FAM131A: variants seen among roughly 807,000 people sequenced by gnomAD.
FAM131A encodes protein FAM131A.
In FAM131A, 24 loss-of-function variants were observed where a neutral mutation model predicts 39.2. That is an observed-to-expected ratio of 0.61 (90% CI 0.44 to 0.86). FAM131A has a LOEUF of 0.86. Ranked by LOEUF, FAM131A falls within the 40% of genes least tolerant of loss-of-function variation. The pLI, the probability that FAM131A is intolerant of heterozygous loss-of-function variation, is 0.00. For synonymous variants in FAM131A, 202 were observed against 206.8 expected, an observed-to-expected ratio of 0.98 and a Z score of 0.20; for missense variants, 373 against 481.2, an observed-to-expected ratio of 0.78 and a Z score of 2.10.
chr3:184,342,415 C>G lies in FAM131A; in HGVS notation c.508+167C>G, dbSNP rs572704158. ...CTCTGCCACCCCAGTTCAAGCGATT[C>G]TCCTGCCTCAGCCTCCCAAGTAGCT... On this transcript the variant is annotated intron_variant, in intron 4 of 5. Coordinates refer to ENST00000383847, the MANE Select transcript of FAM131A (RefSeq NM_144635.5). The surrounding 1 kb of genome is among the most constrained non-coding windows in gnomAD (Gnocchi z 4.6). Among the ~76,000 whole-genome samples the G allele has an allele frequency of 3.9e-5, 6 of 152,318 alleles. No individual in the cohort carries two copies. The highest frequency in any genetic ancestry group is 8.8e-5 in the Non-Finnish European group (6 of 68,026).
Position 184,345,694 on chromosome 3 carries a change from C to T in FAM131A, c.*724C>T. The T allele has an allele frequency of 3.1e-6, 2 of 642,338 alleles. No individual in the cohort carries two copies. The highest frequency in any genetic ancestry group is 1.8e-5 in the South Asian group (1 of 54,696). The allele number at this position is 642,338 out of a possible 1,614,324, so 39.8% of individuals were successfully genotyped here. On this transcript the variant is annotated 3_prime_UTR_variant, in exon 6 of 6. Coordinates refer to ENST00000383847, the MANE Select transcript of FAM131A (RefSeq NM_144635.5). Reference sequence around the variant, plus strand: ...AATGGGGCCTGGGCCCTTTCCCAACCCCTCCTAGGATGTGCGGGCAGTGTG... The same window carrying T: ...AATGGGGCCTGGGCCCTTTCCCAACTCCTCCTAGGATGTGCGGGCAGTGTG...
At chr3:184,336,732 A>T (rs1019211830), upstream of FAM131A, among the ~76,000 whole-genome samples, 9 of 152,170 alleles carry the variant, frequency 5.9e-5, no homozygotes, top group Admixed American at 2.0e-4. The surrounding 1 kb of genome is among the most constrained non-coding windows in gnomAD (Gnocchi z 5.5). Flanking sequence ...AGTTGTTTTA[A>T]TGTCCTGCCC....
chr3:184,341,887 T>G, intron 3 of FAM131A, 70 bp downstream of exon 3: 1 of 1,562,084 alleles, frequency 6.4e-7, no homozygotes, highest in South Asian at 1.1e-5. Flanking sequence ...CCTTTGGAAC[T>G]GTTTCCTGTG....
In FAM131A at chr3:184,342,677, C is replaced by T. The variant is rs999211890; in HGVS notation, c.509-67C>T. On this transcript the variant is annotated intron_variant, in intron 4 of 5. Transcript: ENST00000383847. The surrounding 1 kb of genome is among the most constrained non-coding windows in gnomAD (Gnocchi z 4.6). ...TTCCCATACCCTGTTTCTCCTCTCT[C>T]CTGTCTTCAAGCTGAGCCCTAGACT... 5.6e-5 allele frequency: 79 copies of T among 1,412,580 alleles called. No homozygotes were observed. In the Middle Eastern group the frequency reaches 7.0e-4, roughly 13 times the overall value. The allele number at this position is 1,412,580 out of a possible 1,614,324, so 87.5% of individuals were successfully genotyped here. A position where few individuals can be genotyped will look rare whatever the true frequency, so the allele number is the denominator to read the frequency against.
chr3:184,340,290 C>T (rs925318847), intron 2 of FAM131A: 1 of 151,584 alleles, frequency 6.6e-6, no homozygotes, highest in African/African-American at 2.4e-5. Flanking sequence ...AGGCGTGAGC[C>T]ACCACGCCTG....
In FAM131A at chr3:184,345,570, CAGA is replaced by C. The variant is rs1383948813; in HGVS notation, c.*603_*605del. 1.4e-6 allele frequency: 1 copy of C among 703,168 alleles called. No homozygotes were observed. Among genetic ancestry groups the C allele is most frequent in the Non-Finnish European group, 2.6e-6 (1 of 385,054 alleles). The allele number at this position is 703,168 out of a possible 1,614,324, so 43.6% of individuals were successfully genotyped here. A position where few individuals can be genotyped will look rare whatever the true frequency, so the allele number is the denominator to read the frequency against. ...AAATCTTCCTCTTTTTTCCTAAAGA[CAGA>C]AGGTTTTTGGTCTGTTTTTTCAGTC... is the stretch of plus-strand genomic sequence containing the variant. On this transcript the variant is annotated 3_prime_UTR_variant, in exon 6 of 6. Transcript: ENST00000383847.
chr3:184,345,842 AGAGGGCCACAG>A lies in FAM131A; in HGVS notation c.*874_*884del. On this transcript the variant is annotated 3_prime_UTR_variant, in exon 6 of 6. Coordinates refer to ENST00000383847, the MANE Select transcript of FAM131A (RefSeq NM_144635.5). The stretch of plus-strand genomic sequence containing the variant: ...TCATGTTCTTCTAGAGAGGGCCACA[AGAGGGCCACAG>A]GGGTGGCCGGGAGTTGTCAGCTGAT... 2.0e-6 allele frequency: 1 copy of A among 500,086 alleles called. No homozygotes were observed. The highest frequency in any genetic ancestry group is 3.0e-5 in the South Asian group (1 of 33,218). The allele number at this position is 500,086 out of a possible 1,614,324, so 31.0% of individuals were successfully genotyped here.
In FAM131A at chr3:184,344,595, C is replaced by G. The variant is rs1292782290; in HGVS notation, c.726C>G (p.Ser242Arg). The change falls in exon 6 of 6, where the codon AGC (serine) becomes AGG (arginine). Residue 242 changes from serine (S) to arginine (R), a missense_variant. Transcript: ENST00000383847. Reference sequence around the variant, plus strand: ...GCCAGGGCTCCGTGGAGCCTGAGAGCGACTGCTCACAGACCGTGTCCCCAG... The same window carrying G: ...GCCAGGGCTCCGTGGAGCCTGAGAGGGACTGCTCACAGACCGTGTCCCCAG... The part of the protein sequence containing the change: ...PVRQGSVEPE[S>R]DCSQTVSPDT... 1.2e-6 allele frequency: 2 copies of G among 1,612,186 alleles called. No individual in the cohort carries two copies. Among genetic ancestry groups the G allele is most frequent in the South Asian group, 2.2e-5 (2 of 90,960 alleles).
Position 184,344,360 on chromosome 3 carries a change from T to C in FAM131A, c.626-135T>C, listed in dbSNP as rs1727518948. On this transcript the variant is annotated intron_variant, in intron 5 of 5. Transcript: ENST00000383847. ...AGGACACTGAGGTCTCAAAAAGTTGTGACTGGTTCAAGGTTACCCAGCACC... is the reference window on the plus strand; with the variant it reads ...AGGACACTGAGGTCTCAAAAAGTTGCGACTGGTTCAAGGTTACCCAGCACC... The C allele has an allele frequency of 3.6e-5, 27 of 753,782 alleles. No homozygotes were observed. In the South Asian group the frequency reaches 5.1e-4, roughly 14 times the overall value. 46.7% of individuals were successfully genotyped at this position (753,782 alleles called of 1,614,324 possible). A position where few individuals can be genotyped will look rare whatever the true frequency, so the allele number is the denominator to read the frequency against.
At chr3:184,337,015 C>G (rs1262511103), upstream of FAM131A, among the ~76,000 whole-genome samples, 1 of 152,238 alleles carries the variant, frequency 6.6e-6, no homozygotes, top group African/African-American at 2.4e-5. Flanking sequence ...TCACACAGGC[C>G]TTGGTGTGGT....
Position 184,342,094 on chromosome 3 carries a change from G to T in FAM131A, c.354G>T (p.Val118=). 1 of 1,614,194 alleles carries T rather than the reference G, an allele frequency of 6.2e-7. No homozygotes were observed. Among genetic ancestry groups the T allele is most frequent in the South Asian group, 1.1e-5 (1 of 91,084 alleles). The change falls in exon 4 of 6, where the codon GTG becomes GTT. Residue 118 remains valine, a synonymous_variant. Coordinates refer to ENST00000383847, the MANE Select transcript of FAM131A (RefSeq NM_144635.5). The surrounding 1 kb of genome is among the most constrained non-coding windows in gnomAD (Gnocchi z 4.6). ...HGISQVVKDH[V]TKPTAMAQGR... is the part of the protein sequence containing the mutation. ...TTTCCCAGGTGGTGAAGGACCACGT[G>T]ACCAAGCCTACCGCCATGGCCCAGG...
Position 184,345,614 on chromosome 3 carries a change from T to G in FAM131A, c.*644T>G. 1.4e-6 allele frequency: 1 copy of G among 702,330 alleles called. No homozygotes were observed. The highest frequency in any genetic ancestry group is 2.6e-6 in the Non-Finnish European group (1 of 384,630). The allele number at this position is 702,330 out of a possible 1,614,324, so 43.5% of individuals were successfully genotyped here. Reference sequence around the variant, plus strand: ...TTTTTCAGTCGGATCTTCTCTTCTCTGGGAGGCTTTGGAATGATGAAAGCA... The same window carrying G: ...TTTTTCAGTCGGATCTTCTCTTCTCGGGGAGGCTTTGGAATGATGAAAGCA... On this transcript the variant is annotated 3_prime_UTR_variant, in exon 6 of 6. Coordinates refer to ENST00000383847, the MANE Select transcript of FAM131A (RefSeq NM_144635.5).
rs759395407 is a variant in FAM131A at position 184,341,694 on chromosome 3, G to A, written c.232-30G>A. On this transcript the variant is annotated intron_variant, in intron 2 of 5. Transcript: ENST00000383847. ...GGGGGAAGGTCATTGCTGTCAGAGG[G>A]GCACTGACTTTCTAATGGTGTTACC... The A allele has an allele frequency of 3.8e-6, 6 of 1,581,694 alleles. No individual in the cohort carries two copies. In the South Asian group the frequency reaches 5.6e-5, roughly 15 times the overall value.
Position 184,344,514 on chromosome 3 carries a change from C to T in FAM131A, c.645C>T (p.Pro215=), listed in dbSNP as rs1727533892. ...TCACAGACATGGCTGGGCAGCTGCC[C>T]CTGGGGCCGCACCTCCAGGACCTGT... ...GMDTDMAGQL[P]LGPHLQDLFT... Residue 215 remains proline (P), a synonymous_variant, in exon 6 of 6, where the codon CCC becomes CCT. Transcript: ENST00000383847. 5 of 1,533,720 alleles carry T rather than the reference C, an allele frequency of 3.3e-6. No homozygotes were observed. The East Asian group carries it at 9.1e-5, about 28-fold the overall frequency.
chr3:184,342,875 G>A lies in FAM131A; in HGVS notation c.625+15G>A. Reference sequence around the variant, plus strand: ...AATGGACACAGGTGAGGGACATCCTGGGCTAGGGCTGTGGTGGACCCACCT... The same window carrying A: ...AATGGACACAGGTGAGGGACATCCTAGGCTAGGGCTGTGGTGGACCCACCT... On this transcript the variant is annotated intron_variant, in intron 5 of 5. Transcript: ENST00000383847. This position sits in a 1 kb window ranked among gnomAD's most constrained non-coding sequence, Gnocchi z 4.6. 6.2e-7 allele frequency: 1 copy of A among 1,602,802 alleles called. No homozygotes were observed. The highest frequency in any genetic ancestry group is 8.5e-7 in the Non-Finnish European group (1 of 1,170,236).
chr3:184,337,526 T>C, upstream of FAM131A: 7 of 980,564 alleles, frequency 7.1e-6, no homozygotes, highest in Non-Finnish European at 1.1e-5. Flanking sequence ...AGGTTCCAAA[T>C]GGGGAGGGGA....
chr3:184,342,970 A>G lies in FAM131A; in HGVS notation c.625+110A>G. ...AGCCTTTGCAAGGGGAGGGAGAGGG[A>G]CAGACTCAGTCCAGGCAGGCCTGGA... On this transcript the variant is annotated intron_variant, in intron 5 of 5. Coordinates refer to ENST00000383847, the MANE Select transcript of FAM131A (RefSeq NM_144635.5). The surrounding 1 kb of genome is among the most constrained non-coding windows in gnomAD (Gnocchi z 4.6). 2.1e-6 allele frequency: 2 copies of G among 945,176 alleles called. No individual in the cohort carries two copies. Among genetic ancestry groups the G allele is most frequent in the East Asian group, 4.9e-5 (2 of 41,062 alleles). The allele number at this position is 945,176 out of a possible 1,614,324, so 58.5% of individuals were successfully genotyped here.
At chr3:184,341,958 A>G (rs753059263) in intron 3 of FAM131A, 108 bp from the exon 4 acceptor site, 1 of 1,516,750 alleles carries the variant, frequency 6.6e-7, no homozygotes, top group Non-Finnish European at 9.2e-7. Flanking sequence ...CCCTTCTCCC[A>G]CCCAAAGGTT....
At chr3:184,343,812 A>G (rs766605966) in intron 5 of FAM131A, among the ~76,000 whole-genome samples, 19 of 152,196 alleles carry the variant, frequency 1.2e-4, no homozygotes, top group Non-Finnish European at 1.2e-4. Context: ...AGAAAAAGGC[A>G]CCCCTTTCTC....
Sources: allele counts gnomAD v4.1 joint callset (sites outside exome capture counted in the v4.1 genomes callset), GRCh38; gene constraint gnomAD v4.1.1; non-coding constraint Gnocchi (gnomAD v3.1); transcripts MANE v1.5; gene names NCBI Gene and HGNC (gene_info 2026-07-23, HGNC 2026-07-21).